The following KDM7A variants were observed in gnomAD, a reference collection of about 807,000 sequenced individuals.
KDM7A encodes lysine demethylase 7A.
In KDM7A, 28 loss-of-function variants were observed where a neutral mutation model predicts 114.8. That is an observed-to-expected ratio of 0.24 (90% CI 0.18 to 0.33). The LOEUF is 0.33. KDM7A is among the 10% of genes least tolerant of loss of function. The pLI, the probability that KDM7A is intolerant of heterozygous loss-of-function variation, is 1.00. For synonymous variants in KDM7A, 423 were observed against 397.8 expected (o/e 1.06, Z -0.75); for missense variants, 942 against 1,142.5 (o/e 0.82, Z 2.53).
intron 18 of KDM7A, among the ~76,000 whole-genome samples, chr7:140,092,343 TGCTACTCA>T (rs1403652131): frequency 2.0e-5 from 3 of 152,238 alleles, no homozygotes; most frequent in African/African-American, 7.2e-5. Flanking sequence ...ACGCCCTACT[TGCTACTCA>T]GCTCAGTGAG....
chr7:140,124,583 T>C (rs1410647801), intron 7 of KDM7A, 38 bp downstream of exon 7: 1 of 1,515,732 alleles, frequency 6.6e-7, no homozygotes, highest in Non-Finnish European at 8.9e-7. Context: ...CATGTGACTA[T>C]CAATCATGTT....
intron 11 of KDM7A, among the ~76,000 whole-genome samples, chr7:140,108,155 T>C (rs372859027): frequency 1.3e-5 from 2 of 152,232 alleles, no homozygotes; most frequent in African/African-American, 4.8e-5. Context: ...GTGCTGCTTA[T>C]TCTAGTTAGC....
At chr7:140,139,225 A>C (rs752506976) in intron 1 of KDM7A, 35 bp from the exon 2 acceptor site, 1 of 1,466,920 alleles carries the variant, frequency 6.8e-7, no homozygotes, top group Non-Finnish European at 9.5e-7. Context: ...GTATGTAAGT[A>C]AGTTGAAAAT....
intron 2 of KDM7A, among the ~76,000 whole-genome samples, chr7:140,138,108 G>C (rs1308425425): frequency 6.6e-6 from 1 of 152,086 alleles, no homozygotes; most frequent in Non-Finnish European, 1.5e-5. Flanking sequence ...CAGAGTTCGA[G>C]ACCAGCCTGG....
At chr7:140,130,851 C>CTTTTT (rs574245274) in intron 3 of KDM7A, among the ~76,000 whole-genome samples, 28 of 97,242 alleles carry the variant, frequency 2.9e-4, no homozygotes, top group African/African-American at 5.5e-4. Flanking sequence ...TTTAATAAGT[C>CTTTTT]TTTTTTTTTT....
Position 140,157,971 on chromosome 7 carries a change from A to AAAATAAAT in KDM7A, c.194+18765_194+18772dup, listed in dbSNP as rs34647950. Among the ~76,000 whole-genome samples the AAAATAAAT allele has an allele frequency of 1.4e-3, 198 of 143,756 alleles. 4 individuals carry two copies. The highest frequency in any genetic ancestry group is 8.7e-4 in the South Asian group (4 of 4,582). The allele number at this position is 143,756 out of a possible 152,430, so 94.3% of individuals were successfully genotyped here. ...GCCACAGAGCAAGACTCCGTCTCAA[A>AAAATAAAT]AAATAAATAAATAAATAAATAAATA... On this transcript the variant is annotated intron_variant, in intron 1 of 19. Coordinates refer to ENST00000397560, the MANE Select transcript of KDM7A (RefSeq NM_030647.2).
At chr7:140,126,432 A>T (rs550520586) in intron 6 of KDM7A, among the ~76,000 whole-genome samples, 4 of 150,686 alleles carry the variant, frequency 2.7e-5, no homozygotes, top group Admixed American at 2.0e-4. Context: ...ATATAAATTT[A>T]AAAGTCATGG....
intron 1 of KDM7A, among the ~76,000 whole-genome samples, chr7:140,161,223 A>G (rs991005215): frequency 2.0e-5 from 3 of 152,234 alleles, no homozygotes; most frequent in Non-Finnish European, 4.4e-5. Flanking sequence ...CAAGTGAGGC[A>G]CTCTGGCAGT....
At chr7:140,128,373 T>C (rs1818738268) in intron 4 of KDM7A, among the ~76,000 whole-genome samples, 1 of 152,228 alleles carries the variant, frequency 6.6e-6, no homozygotes, top group African/African-American at 2.4e-5. Flanking sequence ...CTTACTTTAA[T>C]GCAACTTCAT....
Position 140,129,660 on chromosome 7 carries a change from A to G in KDM7A, c.399-7T>C, listed in dbSNP as rs764573130. On this transcript the variant is annotated splice_polypyrimidine_tract_variant and splice_region_variant and intron_variant, in intron 3 of 19. Coordinates refer to ENST00000397560, the MANE Select transcript of KDM7A (RefSeq NM_030647.2). The stretch of plus-strand genomic sequence containing the variant: ...TATAATTATTTCATCGGCACTAAGG[A>G]AAAACATAAGAATAAAAATGTCATT... 6.3e-6 allele frequency: 10 copies of G among 1,585,736 alleles called. No individual in the cohort carries two copies. In the South Asian group the frequency reaches 1.1e-4, roughly 18 times the overall value.
At chr7:140,125,096 T>C (rs1368974438) in intron 6 of KDM7A, among the ~76,000 whole-genome samples, 3 of 152,142 alleles carry the variant, frequency 2.0e-5, no homozygotes, top group Non-Finnish European at 4.4e-5. Flanking sequence ...GAGAAGTAAA[T>C]ATGTGTTGAC....
At chr7:140,136,118 A>G (rs577353626) in intron 2 of KDM7A, among the ~76,000 whole-genome samples, 134 of 152,284 alleles carry the variant, frequency 8.8e-4, no homozygotes, top group Middle Eastern at 6.8e-3. Flanking sequence ...AGAAGAGATT[A>G]ATCAGTGAAG....
At chr7:140,132,007 C>T (rs1329441943) in intron 3 of KDM7A, among the ~76,000 whole-genome samples, 1 of 151,978 alleles carries the variant, frequency 6.6e-6, no homozygotes, top group Non-Finnish European at 1.5e-5. Flanking sequence ...TAACATAACC[C>T]CATTTTAAGA....
intron 10 of KDM7A, among the ~76,000 whole-genome samples, chr7:140,111,427 A>G (rs1818429574): frequency 6.6e-6 from 1 of 152,186 alleles, no homozygotes; most frequent in Non-Finnish European, 1.5e-5. Flanking sequence ...TTTGCTTTAC[A>G]TTGAGTAGTA....
In KDM7A at chr7:140,099,221, G is replaced by T. The variant is rs565364666; in HGVS notation, c.1764-188C>A. Among the ~76,000 whole-genome samples, 190 of 152,250 alleles carry T rather than the reference G, an allele frequency of 1.2e-3. 2 individuals carry two copies. Among genetic ancestry groups the T allele is most frequent in the African/African-American group, 4.4e-3 (182 of 41,540 alleles). On this transcript the variant is annotated intron_variant, in intron 13 of 19. Coordinates refer to ENST00000397560, the MANE Select transcript of KDM7A (RefSeq NM_030647.2). Reference sequence around the variant, plus strand: ...TTTTGTTTTTGTTTTTTGAGACAGGGTCTTGCTCTGTTGCCCTGGCTGGAG... The same window carrying T: ...TTTTGTTTTTGTTTTTTGAGACAGGTTCTTGCTCTGTTGCCCTGGCTGGAG...
chr7:140,141,311 G>A (rs1181450384), intron 1 of KDM7A, among the ~76,000 whole-genome samples: 1 of 151,920 alleles, frequency 6.6e-6, no homozygotes, highest in African/African-American at 2.4e-5. Flanking sequence ...AATGTACAGG[G>A]CCAAGAATAC....
In KDM7A at chr7:140,120,209, A is replaced by T. The variant is rs182071170; in HGVS notation, c.1139+233T>A. On this transcript the variant is annotated intron_variant, in intron 8 of 19. Transcript: ENST00000397560. Reference sequence around the variant, plus strand: ...ACAAAATTTTGAAATTTGGAATATTATCTGAATAAGTTCCCTTTTGTTGTT... The same window carrying T: ...ACAAAATTTTGAAATTTGGAATATTTTCTGAATAAGTTCCCTTTTGTTGTT... 3.9e-5 allele frequency among the ~76,000 whole-genome samples: 6 copies of T among 152,298 alleles called. No homozygotes were observed. The East Asian group carries it at 9.6e-4, about 24-fold the overall frequency.
At chr7:140,153,215 T>C (rs1188483816) in intron 1 of KDM7A, among the ~76,000 whole-genome samples, 3 of 151,590 alleles carry the variant, frequency 2.0e-5, no homozygotes, top group Non-Finnish European at 4.4e-5. Context: ...TTACTTTGCA[T>C]GGTAGTGCAG....
intron 9 of KDM7A, among the ~76,000 whole-genome samples, chr7:140,115,767 G>A (rs1220896073): frequency 1.1e-4 from 16 of 144,976 alleles, no homozygotes; most frequent in Non-Finnish European, 4.5e-5. Flanking sequence ...CCCCCTCTGT[G>A]AGAAACACCC....
Sources: gnomAD v4.1 joint callset for allele counts (sites outside exome capture counted in the v4.1 genomes callset) on GRCh38, gnomAD v4.1.1 for gene constraint, MANE v1.5 for transcripts, NCBI Gene and HGNC (gene_info 2026-07-23, HGNC 2026-07-21) for gene names.